The following BST1 variants were observed in gnomAD, a reference collection of about 807,000 sequenced individuals.
The protein encoded by BST1 is bone marrow stromal cell antigen 1.
A neutral mutation model predicts 40.6 loss-of-function variants in BST1; 49 were observed. The ratio of observed to expected loss-of-function variants is 1.21; its 90% confidence interval spans 0.96 to 1.53. The LOEUF is 1.53. BST1 is among the 40% of genes most tolerant of loss of function. The pLI is 0.00. For synonymous variants in BST1, 157 were observed against 159.3 expected (o/e 0.99, Z 0.11); for missense variants, 423 against 395.9 (o/e 1.07, Z -0.58).
intron 8 of BST1, among the ~76,000 whole-genome samples, chr4:15,727,609 C>T (rs1221824936): frequency 6.6e-6 from 1 of 152,094 alleles, no homozygotes; most frequent in East Asian, 1.9e-4. Context: ...TAAAACATAG[C>T]AGAAAAATGT....
At chr4:15,722,723 G>A (rs1050142520) in intron 7 of BST1, 152 bp from the exon 8 acceptor site, 14 of 629,070 alleles carry the variant, frequency 2.2e-5, no homozygotes, top group South Asian at 1.1e-4. Context: ...GTAAGCCACC[G>A]TGCTGGGCCA....
Position 15,707,026 on chromosome 4 carries a change from CA to C in BST1, c.316-483del, listed in dbSNP as rs1292418562. ...GAAACTATAAAGTATAATATAAAAG[CA>C]ATGTGTTTTTGAGGCACTTGACACT... On this transcript the variant is annotated intron_variant, in intron 2 of 8. Transcript: ENST00000265016. Among the ~76,000 whole-genome samples, 3 of 152,234 alleles carry C rather than the reference CA, an allele frequency of 2.0e-5. No individual in the cohort carries two copies. In the East Asian group the frequency reaches 5.8e-4, roughly 29 times the overall value.
chr4:15,756,572 A>G, the BST1 span, among the ~76,000 whole-genome samples: 1 of 152,368 alleles, frequency 6.6e-6, no homozygotes, highest in East Asian at 1.9e-4. Flanking sequence ...ACATTTTGAC[A>G]TAGGACGTGT....
chr4:15,703,404 C>G, intron 1 of BST1, 72 bp downstream of exon 1: 1 of 1,457,856 alleles, frequency 6.9e-7, no homozygotes, highest in Admixed American at 2.9e-5. Flanking sequence ...GAGGGGAAAA[C>G]TGGCGCTAAA....
At chr4:15,749,197 G>C in the BST1 span, among the ~76,000 whole-genome samples, 2 of 152,310 alleles carry the variant, frequency 1.3e-5, no homozygotes, top group East Asian at 1.9e-4. Context: ...TGCCCCGTGT[G>C]GGGGCAGAAC....
At chr4:15,725,096 A>ATT (rs1721028776) in intron 8 of BST1, among the ~76,000 whole-genome samples, 1 of 151,524 alleles carries the variant, frequency 6.6e-6, no homozygotes, top group Non-Finnish European at 1.5e-5. Context: ...TGTCTTCTCT[A>ATT]AGCCACTGTC....
At chr4:15,757,422 G>T in the BST1 span, among the ~76,000 whole-genome samples, 3 of 152,026 alleles carry the variant, frequency 2.0e-5, no homozygotes, top group Non-Finnish European at 4.4e-5. Flanking sequence ...TCAAATACCA[G>T]CTCCACTGTC....
At chr4:15,769,700 T>G in the BST1 span, among the ~76,000 whole-genome samples, 5 of 152,254 alleles carry the variant, frequency 3.3e-5, no homozygotes, top group East Asian at 3.8e-4. Flanking sequence ...GTTTACAATA[T>G]CAAATAATAT....
chr4:15,707,248 A>T (rs2148878221), intron 2 of BST1, among the ~76,000 whole-genome samples: 1 of 152,318 alleles, frequency 6.6e-6, no homozygotes, highest in East Asian at 1.9e-4. Context: ...AATGTAGGGG[A>T]TCTTACCACA....
chr4:15,732,013 A>T lies in BST1; in HGVS notation c.*168A>T, dbSNP rs1577598943. 1 of 1,329,918 alleles carries T rather than the reference A, an allele frequency of 7.5e-7. No individual in the cohort carries two copies. Among genetic ancestry groups the T allele is most frequent in the East Asian group, 2.9e-5 (1 of 34,246 alleles). The allele number at this position is 1,329,918 out of a possible 1,614,324, so 82.4% of individuals were successfully genotyped here. On this transcript the variant is annotated 3_prime_UTR_variant, in exon 9 of 9. Coordinates refer to ENST00000265016, the MANE Select transcript of BST1 (RefSeq NM_004334.3). ...ATGAGGCATATGTTCAGGATTTCAG[A>T]AACAAGAAGTTAGTTCTATTTAGCA... is the stretch of plus-strand genomic sequence containing the variant.
At chr4:15,751,111 G>A in the BST1 span, among the ~76,000 whole-genome samples, 2 of 152,172 alleles carry the variant, frequency 1.3e-5, no homozygotes, top group Non-Finnish European at 2.9e-5. Flanking sequence ...GCACTACAGA[G>A]ACTTATACTA....
At chr4:15,773,495 A>C in the BST1 span, among the ~76,000 whole-genome samples, 2 of 152,136 alleles carry the variant, frequency 1.3e-5, no homozygotes, top group African/African-American at 4.8e-5. Flanking sequence ...GTGATCTCTC[A>C]CCCTTCTTTT....
At chr4:15,743,477 GA>G in the BST1 span, 71 of 251,060 alleles carry the variant, frequency 2.8e-4, no homozygotes, top group East Asian at 6.0e-4. Context: ...AATAGCAGAA[GA>G]AAAAAAAATT....
At chr4:15,723,854 G>A (rs931042952) in intron 8 of BST1, among the ~76,000 whole-genome samples, 1 of 152,108 alleles carries the variant, frequency 6.6e-6, no homozygotes, top group African/African-American at 2.4e-5. Flanking sequence ...TCCACGCTAT[G>A]TATTTTCTAT....
the BST1 span, among the ~76,000 whole-genome samples, chr4:15,760,508 A>G: frequency 0.027 from 4,034 of 151,954 alleles, 84 homozygotes; most frequent in Middle Eastern, 0.068. Flanking sequence ...ATTATTTTCT[A>G]AAGTAGCTGA....
chr4:15,716,969 G>A (rs979528003), intron 6 of BST1, among the ~76,000 whole-genome samples: 4 of 152,074 alleles, frequency 2.6e-5, no homozygotes, highest in Non-Finnish European at 5.9e-5. Context: ...TGGAGGCAAG[G>A]TTTCACCATG....
chr4:15,738,806 T>G (rs572724078), downstream of BST1, among the ~76,000 whole-genome samples: 8 of 152,220 alleles, frequency 5.3e-5, no homozygotes, highest in Non-Finnish European at 1.0e-4. Context: ...ACTAGCTTTT[T>G]TTATTTCTCC....
intron 8 of BST1, among the ~76,000 whole-genome samples, chr4:15,724,941 G>A (rs12502586): frequency 0.07 from 10,596 of 152,210 alleles, 503 homozygotes; most frequent in Non-Finnish European, 0.098. Context: ...CTTTTATGCT[G>A]GCTGGTATAT....
downstream of BST1, chr4:15,737,693 C>G: frequency 1.1e-6 from 1 of 873,862 alleles, no homozygotes; most frequent in Non-Finnish European, 1.6e-6. Flanking sequence ...AGTTCTCTTT[C>G]CTCTCCTGTC....
Sources: gnomAD v4.1 joint callset for allele counts (sites outside exome capture counted in the v4.1 genomes callset) on GRCh38, gnomAD v4.1.1 for gene constraint, MANE v1.5 for transcripts, NCBI Gene and HGNC (gene_info 2026-07-23, HGNC 2026-07-21) for gene names.